Variants in FRMD4A observed in about 807,000 individuals in gnomAD.
FRMD4A encodes FERM domain containing 4A, also known as FERM domain-containing protein 4A.
Under a neutral mutation model 129.1 loss-of-function variants are expected in FRMD4A, and 29 were observed. The observed-to-expected ratio is 0.22, with a 90% CI of 0.17 to 0.31. The LOEUF (loss-of-function observed/expected upper bound fraction) is 0.31. FRMD4A is among the 10% of genes least tolerant of loss of function. The probability of loss-of-function intolerance (pLI) is 1.00; values close to 1 mark genes in which losing one functional copy is unlikely to be tolerated. For synonymous variants in FRMD4A, 634 were observed against 571.6 expected, an observed-to-expected ratio of 1.11 and a Z score of -1.56; for missense variants, 1,272 against 1,375.8, an observed-to-expected ratio of 0.92 and a Z score of 1.19.
At chr10:13,827,793 G>C (rs1213058747) in intron 3 of FRMD4A, among the ~76,000 whole-genome samples, 1 of 152,206 alleles carries the variant, frequency 6.6e-6, no homozygotes, top group Non-Finnish European at 1.5e-5. Context: ...AGATTGGAGG[G>C]TGAGGCCCGC....
In FRMD4A at chr10:14,318,821, A is replaced by T. The variant is rs560256858; in HGVS notation, c.45+11237T>A. Among the ~76,000 whole-genome samples the T allele has an allele frequency of 2.8e-4, 42 of 152,196 alleles. 1 individual carries two copies. Among genetic ancestry groups the T allele is most frequent in the Admixed American group, 2.6e-3 (40 of 15,274 alleles). ...CCTGAACCACATCGACATGTCCTTC[A>T]TCAAGAGGCAGTCTATATCCTCTCA... On this transcript the variant is annotated intron_variant, in intron 2 of 24. Transcript: ENST00000357447.
rs551355662 is a variant in FRMD4A, at chr10:13,782,732, G to A, written c.384+190C>T. Among the ~76,000 whole-genome samples the A allele has an allele frequency of 3.9e-5, 6 of 152,264 alleles. No homozygotes were observed. In the East Asian group the frequency reaches 5.8e-4, roughly 15 times the overall value. Reference sequence around the variant, plus strand: ...GTTGGGATTACAGGCGTGAGCCAGCGCGCCGGGTCAGGAATCACATTATTA... The same window carrying A: ...GTTGGGATTACAGGCGTGAGCCAGCACGCCGGGTCAGGAATCACATTATTA... On this transcript the variant is annotated intron_variant, in intron 6 of 24. Coordinates refer to ENST00000357447, the MANE Select transcript of FRMD4A (RefSeq NM_018027.5).
At chr10:14,061,170 G>A (rs969795275) in intron 2 of FRMD4A, among the ~76,000 whole-genome samples, 2 of 152,160 alleles carry the variant, frequency 1.3e-5, no homozygotes, top group African/African-American at 2.4e-5. Flanking sequence ...CATTTAGGCC[G>A]GGCGTAGTGG....
intron 2 of FRMD4A, among the ~76,000 whole-genome samples, chr10:14,185,797 C>G (rs1199650437): frequency 1.3e-5 from 2 of 152,128 alleles, no homozygotes; most frequent in East Asian, 1.9e-4. Context: ...CCAGACTAGT[C>G]CTGGGCGGAA....
intron 3 of FRMD4A, among the ~76,000 whole-genome samples, chr10:13,857,554 A>G (rs1428396893): frequency 6.6e-6 from 1 of 152,150 alleles, no homozygotes; most frequent in African/African-American, 2.4e-5. Context: ...AATCCTATTA[A>G]AAGTATTCAC....
At chr10:13,658,611 T>A (rs909902258) in intron 21 of FRMD4A, among the ~76,000 whole-genome samples, 2 of 152,256 alleles carry the variant, frequency 1.3e-5, no homozygotes, top group African/African-American at 4.8e-5. Flanking sequence ...CTAGGAGCGG[T>A]GGCTCACGTC....
intron 15 of FRMD4A, chr10:13,676,013 G>A (rs550943204): frequency 6.6e-6 from 1 of 152,204 alleles, no homozygotes; most frequent in East Asian, 1.9e-4. Flanking sequence ...AAAACATGAT[G>A]ATTCAAATAG....
intron 2 of FRMD4A, among the ~76,000 whole-genome samples, chr10:14,094,974 G>GA (rs1015527093): frequency 8.6e-5 from 13 of 152,042 alleles, no homozygotes; most frequent in African/African-American, 3.1e-4. Context: ...GTGTGGGGGG[G>GA]AACCAAGAGA....
At chr10:14,048,904 A>ATAGAATAGAATAG (rs1233151111) in intron 2 of FRMD4A, among the ~76,000 whole-genome samples, 1 of 144,868 alleles carries the variant, frequency 6.9e-6, no homozygotes, top group African/African-American at 2.5e-5. Context: ...ATAGAATAGA[A>ATAGAATAGAATAG]AATAAAATGA....
chr10:14,250,509 A>G (rs1157880170), intron 2 of FRMD4A, among the ~76,000 whole-genome samples: 1 of 152,218 alleles, frequency 6.6e-6, no homozygotes, highest in African/African-American at 2.4e-5. Context: ...TATCAAGTCT[A>G]TAATCTGTTT....
chr10:13,940,634 G>A (rs1044814463), intron 2 of FRMD4A, among the ~76,000 whole-genome samples: 5 of 152,142 alleles, frequency 3.3e-5, no homozygotes, highest in African/African-American at 7.2e-5. Context: ...CTTCACACAA[G>A]GTTAACTCTC....
At chr10:13,666,402 C>A in intron 17 of FRMD4A, 77 bp from the exon 18 acceptor site, 1 of 998,022 alleles carries the variant, frequency 1.0e-6, no homozygotes, top group Non-Finnish European at 1.6e-6. Flanking sequence ...TCCCCTGTCC[C>A]AAGGCAAGTC....
At chr10:13,842,776 C>T (rs947590224) in intron 3 of FRMD4A, among the ~76,000 whole-genome samples, 43 of 152,110 alleles carry the variant, frequency 2.8e-4, no homozygotes, top group African/African-American at 8.5e-4. Flanking sequence ...CTGCAGTGAG[C>T]TATGATCACG....
chr10:13,827,505 C>T (rs1218832673), intron 3 of FRMD4A, among the ~76,000 whole-genome samples: 3 of 152,296 alleles, frequency 2.0e-5, no homozygotes, highest in East Asian at 1.9e-4. Flanking sequence ...ATGCTAATGT[C>T]GGCCATTAGG....
intron 21 of FRMD4A, among the ~76,000 whole-genome samples, chr10:13,657,787 G>GTTT (rs1204181870): frequency 1.8e-5 from 2 of 111,028 alleles, no homozygotes; most frequent in African/African-American, 7.4e-5. Context: ...TCGATTTCTG[G>GTTT]GTTTTTTTTT....
At position 13,951,903 on chromosome 10, in the gene FRMD4A, AAT is replaced by A. The variant is rs915903997; in HGVS notation, c.46-92993_46-92992del. The stretch of plus-strand genomic sequence containing the variant: ...AGACTCTGTCTCAAATAATAATAAT[AAT>A]AATAATAATAATAATAATAATAATA... On this transcript the variant is annotated intron_variant, in intron 2 of 24. Transcript: ENST00000357447. Among the ~76,000 whole-genome samples the A allele has an allele frequency of 5.8e-4, 84 of 144,826 alleles. 1 individual carries two copies. The Middle Eastern group carries it at 0.025, about 43-fold the overall frequency.
At chr10:13,880,901 T>C (rs1488030522) in intron 2 of FRMD4A, among the ~76,000 whole-genome samples, 2 of 152,040 alleles carry the variant, frequency 1.3e-5, no homozygotes, top group South Asian at 2.1e-4. Context: ...TTATGGATCA[T>C]GTGGATTGTC....
chr10:13,773,935 G>A (rs767631201), intron 6 of FRMD4A, among the ~76,000 whole-genome samples: 20 of 152,204 alleles, frequency 1.3e-4, no homozygotes, highest in East Asian at 5.8e-4. Flanking sequence ...AAGCTGTGCC[G>A]TCTTATTGGT....
In FRMD4A at chr10:13,706,212, T is replaced by C. The variant is rs566426388; in HGVS notation, c.836+825A>G. Among the ~76,000 whole-genome samples the C allele has an allele frequency of 2.7e-4, 41 of 152,344 alleles. No individual in the cohort carries two copies. In the South Asian group the frequency reaches 7.5e-3, roughly 28 times the overall value. On this transcript the variant is annotated intron_variant, in intron 13 of 24. Transcript: ENST00000357447. ...CTGTCTCCCTGGGGCTACCTTCTTATTGTAAATGTCTCTGACCTTATGGAA... is the reference window on the plus strand; with the variant it reads ...CTGTCTCCCTGGGGCTACCTTCTTACTGTAAATGTCTCTGACCTTATGGAA...
Sources: allele counts gnomAD v4.1 joint callset (sites outside exome capture counted in the v4.1 genomes callset), GRCh38; gene constraint gnomAD v4.1.1; transcripts MANE v1.5; gene names NCBI Gene and HGNC (gene_info 2026-07-23, HGNC 2026-07-21).